Variants in GPATCH2 observed in about 807,000 individuals in gnomAD.
The protein encoded by GPATCH2 is G-patch domain containing 2, also known as G patch domain-containing protein 2.
A neutral mutation model predicts 58.0 loss-of-function variants in GPATCH2; 51 were observed. The observed-to-expected ratio is 0.88, with a 90% CI of 0.70 to 1.11. GPATCH2 has a LOEUF of 1.11. Among genes scored for constraint, GPATCH2 ranks in the 50% most tolerant of loss-of-function variants. The pLI is 0.00. For synonymous variants in GPATCH2, 222 were observed against 218.5 expected, an observed-to-expected ratio of 1.02 and a Z score of -0.14; for missense variants, 625 against 652.2, an observed-to-expected ratio of 0.96 and a Z score of 0.45.
chr1:217,603,417 C>T (rs943335235), intron 5 of GPATCH2, among the ~76,000 whole-genome samples: 3 of 152,070 alleles, frequency 2.0e-5, no homozygotes, highest in African/African-American at 7.2e-5. Flanking sequence ...AAATATACTA[C>T]TGTATTGGCA....
intron 8 of GPATCH2, among the ~76,000 whole-genome samples, chr1:217,469,665 T>C (rs1470445255): frequency 1.3e-5 from 2 of 152,148 alleles, no homozygotes; most frequent in East Asian, 3.8e-4. Context: ...CATTATTAAG[T>C]AAAACATTCT....
chr1:217,579,722 C>A (rs1293893425), intron 5 of GPATCH2, among the ~76,000 whole-genome samples: 1 of 152,040 alleles, frequency 6.6e-6, no homozygotes, highest in Admixed American at 6.6e-5. Context: ...AAATACTAGA[C>A]AAATGGATTT....
chr1:217,476,450 C>A (rs1343954938), intron 8 of GPATCH2, among the ~76,000 whole-genome samples: 1 of 152,112 alleles, frequency 6.6e-6, no homozygotes, highest in Non-Finnish European at 1.5e-5. Context: ...CTGGATTTAA[C>A]TTCATACTGC....
In GPATCH2 at chr1:217,478,437, T is replaced by C. The variant is rs568439158; in HGVS notation, c.1277+13243A>G. Among the ~76,000 whole-genome samples the C allele has an allele frequency of 4.6e-5, 7 of 152,134 alleles. No individual in the cohort carries two copies. In the East Asian group the frequency reaches 1.2e-3, roughly 25 times the overall value. On this transcript the variant is annotated intron_variant, in intron 8 of 9. Coordinates refer to ENST00000366935, the MANE Select transcript of GPATCH2 (RefSeq NM_018040.5). ...TATTAGACAAATTTAATAAAGAGAT[T>C]GAAATAATGAAAAGGAATTAAGCAG...
chr1:217,488,113 A>G (rs1001933803), intron 8 of GPATCH2, among the ~76,000 whole-genome samples: 1 of 152,182 alleles, frequency 6.6e-6, no homozygotes, highest in Non-Finnish European at 1.5e-5. Flanking sequence ...AAAGGAATAT[A>G]TTTTTTATGA....
chr1:217,592,241 A>G (rs74142492), intron 5 of GPATCH2, among the ~76,000 whole-genome samples: 2,380 of 152,102 alleles, frequency 0.016, 59 homozygotes, highest in African/African-American at 0.054. Flanking sequence ...ATTTGCCAAT[A>G]AGTTACCAGT....
intron 5 of GPATCH2, among the ~76,000 whole-genome samples, chr1:217,554,983 G>T: frequency 6.6e-6 from 1 of 152,160 alleles, no homozygotes; most frequent in East Asian, 1.9e-4. Context: ...GAACTTTAAA[G>T]ATTTCCATTC....
At chr1:217,625,803 C>T (rs1442164001) in intron 1 of GPATCH2, among the ~76,000 whole-genome samples, 3 of 151,912 alleles carry the variant, frequency 2.0e-5, no homozygotes, top group Admixed American at 6.6e-5. Flanking sequence ...GCCAACATGG[C>T]GAAACTCCAT....
At chr1:217,621,964 A>G (rs1372102533) in intron 1 of GPATCH2, among the ~76,000 whole-genome samples, 1 of 152,250 alleles carries the variant, frequency 6.6e-6, no homozygotes, top group African/African-American at 2.4e-5. Flanking sequence ...ACAAAGGCCG[A>G]AAGATCTCTG....
chr1:217,513,681 A>C (rs1251518001), intron 6 of GPATCH2, among the ~76,000 whole-genome samples: 3 of 152,212 alleles, frequency 2.0e-5, no homozygotes, highest in African/African-American at 7.2e-5. Context: ...AGCTACAACT[A>C]CTTAGTTTTA....
At chr1:217,605,694 G>A (rs1053648231) in intron 5 of GPATCH2, among the ~76,000 whole-genome samples, 20 of 152,074 alleles carry the variant, frequency 1.3e-4, no homozygotes, top group African/African-American at 4.8e-4. Context: ...AATCAAAAAA[G>A]AATTTTAAAA....
At chr1:217,471,711 C>CTTTTT (rs574348062) in intron 8 of GPATCH2, among the ~76,000 whole-genome samples, 1 of 151,232 alleles carries the variant, frequency 6.6e-6, no homozygotes, top group African/African-American at 2.4e-5. Context: ...TCTATTGTCA[C>CTTTTT]TTTTTTTTTC....
rs183207862 is a variant in GPATCH2 at position 217,438,779 on chromosome 1, T to C, written c.1367-7414A>G. ...AAGTGATGGGGAGAATGGAACCAAG[T>C]TGGAAAATACTCTTCAGGATATTAT... is the stretch of plus-strand genomic sequence containing the variant. On this transcript the variant is annotated intron_variant, in intron 9 of 9. Transcript: ENST00000366935. 1.6e-3 allele frequency among the ~76,000 whole-genome samples: 250 copies of C among 152,180 alleles called. 1 individual carries two copies. Among genetic ancestry groups the C allele is most frequent in the African/African-American group, 5.8e-3 (241 of 41,482 alleles).
At chr1:217,486,386 T>C (rs1661454855) in intron 8 of GPATCH2, among the ~76,000 whole-genome samples, 1 of 152,240 alleles carries the variant, frequency 6.6e-6, no homozygotes, top group South Asian at 2.1e-4. Context: ...GCTGTTCTTG[T>C]CAAATGTCTT....
At chr1:217,581,949 T>TG (rs35534804) in intron 5 of GPATCH2, among the ~76,000 whole-genome samples, 6,895 of 152,196 alleles carry the variant, frequency 0.045, 522 homozygotes, top group African/African-American at 0.16. Flanking sequence ...AGACTCCGTC[T>TG]GGGGGGAAGA....
chr1:217,456,668 T>C (rs374050083), intron 8 of GPATCH2, among the ~76,000 whole-genome samples: 1 of 152,200 alleles, frequency 6.6e-6, no homozygotes, highest in African/African-American at 2.4e-5. Flanking sequence ...AGAGGATGCA[T>C]GAATTTTATC....
At chr1:217,584,329 C>T (rs937918697) in intron 5 of GPATCH2, among the ~76,000 whole-genome samples, 1 of 73,884 alleles carries the variant, frequency 1.4e-5, no homozygotes, top group East Asian at 1.5e-3. Flanking sequence ...CTCACCTCTA[C>T]TAAAAAAAAA....
At chr1:217,563,356 T>C (rs1666023717) in intron 5 of GPATCH2, among the ~76,000 whole-genome samples, 1 of 152,176 alleles carries the variant, frequency 6.6e-6, no homozygotes, top group East Asian at 1.9e-4. Flanking sequence ...AATCATACTA[T>C]ATAAAATGCT....
intron 5 of GPATCH2, among the ~76,000 whole-genome samples, chr1:217,528,614 G>C (rs770360422): frequency 5.3e-5 from 8 of 152,170 alleles, no homozygotes; most frequent in Admixed American, 1.3e-4. Context: ...AGCATGGGGG[G>C]ACTGAGGGAT....
Sources: gnomAD v4.1 joint callset for allele counts (sites outside exome capture counted in the v4.1 genomes callset) on GRCh38, gnomAD v4.1.1 for gene constraint, MANE v1.5 for transcripts, NCBI Gene and HGNC (gene_info 2026-07-23, HGNC 2026-07-21) for gene names.